The following CELSR3 variants were observed in gnomAD, a reference collection of about 807,000 sequenced individuals.
The protein encoded by CELSR3 is EGF-like protein 1.
In CELSR3, 73 loss-of-function variants were observed where a neutral mutation model predicts 270.0. The observed-to-expected ratio is 0.27, with a 90% CI of 0.22 to 0.33. The LOEUF (loss-of-function observed/expected upper bound fraction) is 0.33, where lower values mean the gene tolerates loss of function less well. Ranked by LOEUF, CELSR3 falls within the 10% of genes least tolerant of loss-of-function variation. The pLI is 1.00. For missense variants in CELSR3, 3,614 were observed against 4,533.8 expected (o/e 0.80, Z 5.83); for synonymous variants, 1,780 against 1,905.4 (o/e 0.93, Z 1.71).
Position 48,653,861 on chromosome 3 carries a change from C to T in CELSR3, c.5278+17G>A, listed in dbSNP as rs760457896. Reference sequence around the variant, plus strand: ...ATCTGACCCTGCAGGCCCCTCTGCCCCATGCTGCCCACTTACTAAGCTGAC... The same window carrying T: ...ATCTGACCCTGCAGGCCCCTCTGCCTCATGCTGCCCACTTACTAAGCTGAC... On this transcript the variant is annotated intron_variant, in intron 8 of 34. Transcript: ENST00000164024. This position sits in a 1 kb window ranked among gnomAD's most constrained non-coding sequence, Gnocchi z 6.5. The T allele has an allele frequency of 1.9e-5, 30 of 1,613,156 alleles. No individual in the cohort carries two copies. The highest frequency in any genetic ancestry group is 1.5e-4 in the South Asian group (14 of 91,090).
In CELSR3 at chr3:48,656,308, T is replaced by C; in HGVS notation, c.4457A>G (p.Asn1486Ser). 1 of 1,496,092 alleles carries C rather than the reference T, an allele frequency of 6.7e-7. No individual in the cohort carries two copies. The highest frequency in any genetic ancestry group is 2.3e-5 in the Admixed American group (1 of 43,226). The allele number at this position is 1,496,092 out of a possible 1,614,324, so 92.7% of individuals were successfully genotyped here. ...AGRCVPGVCRNGGTCTDAPNG... is the reference protein window; with the variant it reads ...AGRCVPGVCRSGGTCTDAPNG... ...GGGCGCGTCGGTGCAGGTGCCCCCG[T>C]TGCGGCAGACGCCCGGCACGCAGCG... The change falls in exon 3 of 35, where the codon AAC becomes AGC. Residue 1486 changes from asparagine to serine, a missense_variant. Physicochemically the swap from Asn to Ser is conservative, Grantham distance 46. Coordinates refer to ENST00000164024, the MANE Select transcript of CELSR3 (RefSeq NM_001407.3).
At position 48,659,265 on chromosome 3, in the gene CELSR3, G is replaced by A; in HGVS notation, c.3370C>T (p.Leu1124=). The A allele has an allele frequency of 6.2e-7, 1 of 1,614,186 alleles. No homozygotes were observed. The highest frequency in any genetic ancestry group is 8.5e-7 in the Non-Finnish European group (1 of 1,180,036). The change falls in exon 1 of 35, where the codon CTG becomes TTG. Residue 1124 remains leucine, a synonymous_variant. Transcript: ENST00000164024. This position sits in a 1 kb window ranked among gnomAD's most constrained non-coding sequence, Gnocchi z 8.1. The part of the protein sequence containing the change: ...LFQMDIFSGE[L]TALIDLDYEA... ...TAGTCTAGGTCAATGAGTGCCGTCA[G>A]TTCTCCAGAGAAGATGTCCATTTGG... is the stretch of plus-strand genomic sequence containing the variant.
rs764829415 is a variant in CELSR3 at position 48,661,321 on chromosome 3, G to A, written c.1314C>T (p.Tyr438=). 13 of 1,613,320 alleles carry A rather than the reference G, an allele frequency of 8.1e-6. No individual in the cohort carries two copies. The highest frequency in any genetic ancestry group is 1.1e-5 in the Non-Finnish European group (13 of 1,179,918). ...CCACATTCTCGCGAAGGGTCTCCCG[G>A]TACTGCGCTTGCTCAAAAACCGGCG... is the stretch of plus-strand genomic sequence containing the variant. ...DHSPVFEQAQ[Y]RETLRENVEE... The change falls in exon 1 of 35, where the codon TAC becomes TAT. Residue 438 remains tyrosine (Y), a synonymous_variant. Transcript: ENST00000164024.
rs2077077415 is a variant in CELSR3, at chr3:48,662,545, G to A, written c.90C>T (p.Ser30=). 1 of 1,594,138 alleles carries A rather than the reference G, an allele frequency of 6.3e-7. No homozygotes were observed. Among genetic ancestry groups the A allele is most frequent in the Non-Finnish European group, 8.5e-7 (1 of 1,170,260 alleles). ...LLLLLSLFPL[S]QEELGGGGHQ... is the part of the protein sequence containing the mutation. ...GCCCACCGCCCCCCAGCTCCTCCTG[G>A]CTGAGGGGGAACAAAGAGAGGAGAA... The change falls in exon 1 of 35, where the codon AGC becomes AGT. Residue 30 remains serine, a synonymous_variant. Transcript: ENST00000164024. This position sits in a 1 kb window ranked among gnomAD's most constrained non-coding sequence, Gnocchi z 7.1.
chr3:48,655,811 C>G lies in CELSR3; in HGVS notation c.4666G>C (p.Gly1556Arg). 1 of 1,402,684 alleles carries G rather than the reference C, an allele frequency of 7.1e-7. No homozygotes were observed. The highest frequency in any genetic ancestry group is 9.5e-7 in the Non-Finnish European group (1 of 1,051,200). The allele number at this position is 1,402,684 out of a possible 1,614,324, so 86.9% of individuals were successfully genotyped here. A position where few individuals can be genotyped will look rare whatever the true frequency, so the allele number is the denominator to read the frequency against. Reference sequence around the variant, plus strand: ...AAGTCGTGCTTCTCGTTCAGGCGCCCGTTGTAGAAGAGCAGCCCGCTCTGC... The same window carrying G: ...AAGTCGTGCTTCTCGTTCAGGCGCCGGTTGTAGAAGAGCAGCCCGCTCTGC... ...VQQSGLLFYN[G>R]RLNEKHDFLA... The change falls in exon 4 of 35, where the codon GGG becomes CGG. Residue 1556 changes from glycine to arginine, a missense_variant. Gly to Arg is a moderately radical substitution (Grantham distance 125). Transcript: ENST00000164024. The surrounding 1 kb of genome is among the most constrained non-coding windows in gnomAD (Gnocchi z 5.8).
Position 48,640,217 on chromosome 3 carries a change from C to T in CELSR3, c.9368G>A (p.Arg3123Gln), listed in dbSNP as rs768935481. The change falls in exon 34 of 35, where the codon CGG becomes CAG. Residue 3123 changes from arginine (R) to glutamine (Q), a missense_variant. Physicochemically the swap from Arg to Gln is conservative, Grantham distance 43. Around this residue, in one of 7 missense-constraint regions of CELSR3, gnomAD observed 1,240 missense variants for 1,351.7 expected, o/e 0.92. Coordinates refer to ENST00000164024, the MANE Select transcript of CELSR3 (RefSeq NM_001407.3). The surrounding 1 kb of genome is among the most constrained non-coding windows in gnomAD (Gnocchi z 7.5). ...AGGGTAGTCCCGAGGTGGCTGCCTC[C>T]GTGGCAGGGTGCTGCCCCGATCTTT... ...EPKDRGSTLP[R>Q]RQPPRDYPGA... 48 of 1,612,638 alleles carry T rather than the reference C, an allele frequency of 3.0e-5. No homozygotes were observed. The highest frequency in any genetic ancestry group is 1.6e-4 in the Middle Eastern group (1 of 6,082).
Position 48,641,710 on chromosome 3 carries a change from A to C in CELSR3, c.8824+141T>G, listed in dbSNP as rs895275094. 11 of 943,306 alleles carry C rather than the reference A, an allele frequency of 1.2e-5. No individual in the cohort carries two copies. The highest frequency in any genetic ancestry group is 1.7e-5 in the African/African-American group (1 of 59,954). The allele number at this position is 943,306 out of a possible 1,614,324, so 58.4% of individuals were successfully genotyped here. On this transcript the variant is annotated intron_variant, in intron 32 of 34. Transcript: ENST00000164024. This position sits in a 1 kb window ranked among gnomAD's most constrained non-coding sequence, Gnocchi z 4.8. ...TCCCTCCCCTTAACTGGAGGTGGAC[A>C]GAGACTAAAAGTTGGGGAACCTGAT...
chr3:48,654,025 C>A lies in CELSR3; in HGVS notation c.5153-22G>T, dbSNP rs772257404. On this transcript the variant is annotated intron_variant, in intron 7 of 34. Coordinates refer to ENST00000164024, the MANE Select transcript of CELSR3 (RefSeq NM_001407.3). This position sits in a 1 kb window ranked among gnomAD's most constrained non-coding sequence, Gnocchi z 5.4. ...CAGCCTGGGAGAGGAAAGCACATGG[C>A]GGACATGAGAACAAGGGTTGGGGGG... The A allele has an allele frequency of 2.5e-6, 4 of 1,609,452 alleles. No homozygotes were observed. Among genetic ancestry groups the A allele is most frequent in the Non-Finnish European group, 2.5e-6 (3 of 1,177,292 alleles).
rs1301763874 is a variant in CELSR3 at position 48,661,560 on chromosome 3, G to T, written c.1075C>A (p.Arg359Ser). 6.2e-7 allele frequency: 1 copy of T among 1,608,372 alleles called. No homozygotes were observed. Among genetic ancestry groups the T allele is most frequent in the Non-Finnish European group, 8.5e-7 (1 of 1,178,834 alleles). The change falls in exon 1 of 35, where the codon CGC (arginine) becomes AGC (serine). Residue 359 changes from arginine (R) to serine (S), a missense_variant. Arg to Ser is a moderately radical substitution (Grantham distance 110, BLOSUM62 -1). This residue lies in a region of CELSR3 where 354 missense variants were observed against 500.9 expected (regional missense o/e 0.71). Transcript: ENST00000164024. ...AGTGCCGCCAGCGAGTAGACTAGGCGCCCGGCCTCGCCGGCGTCCGGGTCC... is the reference window on the plus strand; with the variant it reads ...AGTGCCGCCAGCGAGTAGACTAGGCTCCCGGCCTCGCCGGCGTCCGGGTCC... ...AQDPDAGEAG[R>S]LVYSLAALMN...
At position 48,640,076 on chromosome 3, in the gene CELSR3, G is replaced by A. The variant is rs1304098913; in HGVS notation, c.9509C>T (p.Pro3170Leu). Residue 3170 changes from proline (P) to leucine (L), a missense_variant, in exon 34 of 35, where the codon CCA becomes CTA. This residue lies in a region of CELSR3 where 1,240 missense variants were observed against 1,351.7 expected (regional missense o/e 0.92). Transcript: ENST00000164024. The surrounding 1 kb of genome is among the most constrained non-coding windows in gnomAD (Gnocchi z 7.5). ...CCGCTGGGGAGACAGGGGCAGAGGT[G>A]GGGGCTGTGGGTCAAGGTCCCGGGT... is the stretch of plus-strand genomic sequence containing the variant. ...RRTRDLDPQP[P>L]PLPLSPQRQL... 5.6e-6 allele frequency: 9 copies of A among 1,610,684 alleles called. No homozygotes were observed. The South Asian group carries it at 6.6e-5, about 12-fold the overall frequency.
Position 48,653,478 on chromosome 3 carries a change from TAGGGTCCAGAGC to T in CELSR3, c.5448+129_5448+140del. Reference sequence around the variant, plus strand: ...TAATGATGGAAAGAGAATCAAGGGCTAGGGTCCAGAGCAGGGTCAAGTGTGGTTGGGACACCT... The same window carrying T: ...TAATGATGGAAAGAGAATCAAGGGCTAGGGTCAAGTGTGGTTGGGACACCT... On this transcript the variant is annotated intron_variant, in intron 9 of 34. Transcript: ENST00000164024. The surrounding 1 kb of genome is among the most constrained non-coding windows in gnomAD (Gnocchi z 6.5). 6 of 979,194 alleles carry T rather than the reference TAGGGTCCAGAGC, an allele frequency of 6.1e-6. No homozygotes were observed. The South Asian group carries it at 9.2e-5, about 15-fold the overall frequency. The allele number at this position is 979,194 out of a possible 1,614,324, so 60.7% of individuals were successfully genotyped here. A position where few individuals can be genotyped will look rare whatever the true frequency, so the allele number is the denominator to read the frequency against.
In CELSR3 at chr3:48,641,158, C is replaced by T; in HGVS notation, c.9025+166G>A. On this transcript the variant is annotated intron_variant, in intron 33 of 34. Coordinates refer to ENST00000164024, the MANE Select transcript of CELSR3 (RefSeq NM_001407.3). The surrounding 1 kb of genome is among the most constrained non-coding windows in gnomAD (Gnocchi z 4.8). The stretch of plus-strand genomic sequence containing the variant: ...GGGACAGAGAATTCCCAGGTCAGGA[C>T]AGGAGCAGTCCCTGAGGACCGTGAA... 2 of 615,740 alleles carry T rather than the reference C, an allele frequency of 3.2e-6. No homozygotes were observed. Among genetic ancestry groups the T allele is most frequent in the Non-Finnish European group, 2.9e-6 (1 of 342,178 alleles). 38.1% of individuals were successfully genotyped at this position (615,740 alleles called of 1,614,324 possible). A position where few individuals can be genotyped will look rare whatever the true frequency, so the allele number is the denominator to read the frequency against.
In CELSR3 at chr3:48,656,355, G is replaced by A; in HGVS notation, c.4410C>T (p.Cys1470=). The A allele has an allele frequency of 7.0e-7, 1 of 1,426,588 alleles. No homozygotes were observed. The allele number at this position is 1,426,588 out of a possible 1,614,324, so 88.4% of individuals were successfully genotyped here. A position where few individuals can be genotyped will look rare whatever the true frequency, so the allele number is the denominator to read the frequency against. The part of the protein sequence containing the change: ...VCRPRFTGED[C]ELDTEAGRCV... ...AGCGGCCGGCCTCGGTGTCCAGCTC[G>A]CAGTCCTCTCCTGGGGGCCAAGCCG... Residue 1470 remains cysteine (C), a synonymous_variant, in exon 3 of 35, where the codon TGC becomes TGT. Transcript: ENST00000164024.
rs764375936 is a variant in CELSR3 at position 48,662,594 on chromosome 3, C to A, written c.41G>T (p.Arg14Leu). Reference sequence around the variant, plus strand: ...AAGGAGCAGGAGTATGGGGGTCGACCGTCCCCCGAGGCCCCGCCACGGCGG... The same window carrying A: ...AAGGAGCAGGAGTATGGGGGTCGACAGTCCCCCGAGGCCCCGCCACGGCGG... ...RRPPWRGLGG[R>L]STPILLLLLL... Residue 14 changes from arginine to leucine, a missense_variant, in exon 1 of 35, where the codon CGG becomes CTG. Arg to Leu is a moderately radical substitution (Grantham distance 102, BLOSUM62 -2). This residue lies in a region of CELSR3 where 470 missense variants were observed against 469.7 expected (regional missense o/e 1.00). Coordinates refer to ENST00000164024, the MANE Select transcript of CELSR3 (RefSeq NM_001407.3). The surrounding 1 kb of genome is among the most constrained non-coding windows in gnomAD (Gnocchi z 7.1). The A allele has an allele frequency of 6.7e-7, 1 of 1,485,322 alleles. No homozygotes were observed. Among genetic ancestry groups the A allele is most frequent in the Non-Finnish European group, 9.0e-7 (1 of 1,114,004 alleles). The allele number at this position is 1,485,322 out of a possible 1,614,324, so 92.0% of individuals were successfully genotyped here.
Position 48,652,206 on chromosome 3 carries a change from G to A in CELSR3, c.5752-158C>T, listed in dbSNP as rs997256256. ...AAAATATCCCCAATTTGGTACCCCT[G>A]TGGGACCCTAATTGTGCTGTTTCTG... On this transcript the variant is annotated intron_variant, in intron 11 of 34. Transcript: ENST00000164024. This position sits in a 1 kb window ranked among gnomAD's most constrained non-coding sequence, Gnocchi z 4.3. Among the ~76,000 whole-genome samples the A allele has an allele frequency of 6.6e-6, 1 of 152,166 alleles. No individual in the cohort carries two copies. The highest frequency in any genetic ancestry group is 1.5e-5 in the Non-Finnish European group (1 of 68,032).
In CELSR3 at chr3:48,641,548, G is replaced by A. The variant is rs1207495463; in HGVS notation, c.8825-24C>T. On this transcript the variant is annotated intron_variant, in intron 32 of 34. Transcript: ENST00000164024. The surrounding 1 kb of genome is among the most constrained non-coding windows in gnomAD (Gnocchi z 4.8). ...ATCTGTGGAGCCAGGTCAGGTTACA[G>A]GAGCTTCTGGGTTGATCCCAGTGAC... 6.4e-7 allele frequency: 1 copy of A among 1,568,616 alleles called. No homozygotes were observed. The highest frequency in any genetic ancestry group is 8.8e-7 in the Non-Finnish European group (1 of 1,141,620).
intron 28 of CELSR3, 127 bp downstream of exon 28, chr3:48,643,427 T>C: frequency 7.5e-7 from 1 of 1,325,646 alleles, no homozygotes; most frequent in South Asian, 1.5e-5. Context: ...TCTGGGGTAG[T>C]ACCCAGCCTG....
At position 48,645,300 on chromosome 3, in the gene CELSR3, A is replaced by C; in HGVS notation, c.7798-91T>G. 4.6e-6 allele frequency: 7 copies of C among 1,530,760 alleles called. No individual in the cohort carries two copies. Among genetic ancestry groups the C allele is most frequent in the Non-Finnish European group, 6.2e-6 (7 of 1,125,744 alleles). 94.8% of individuals were successfully genotyped at this position (1,530,760 alleles called of 1,614,324 possible). A position where few individuals can be genotyped will look rare whatever the true frequency, so the allele number is the denominator to read the frequency against. ...TCTGCTTCCCACCTCTCACCCCTAA[A>C]CCACAATATCTTACCCCAGCATCCT... On this transcript the variant is annotated intron_variant, in intron 24 of 34. Coordinates refer to ENST00000164024, the MANE Select transcript of CELSR3 (RefSeq NM_001407.3). This position sits in a 1 kb window ranked among gnomAD's most constrained non-coding sequence, Gnocchi z 5.4.
chr3:48,648,512 A>G (rs1282678577), intron 18 of CELSR3, 51 bp from the exon 19 acceptor site: 4 of 1,477,754 alleles, frequency 2.7e-6, no homozygotes, highest in Middle Eastern at 3.5e-4. Context: ...AGGATGTATG[A>G]GGGGATAGGG....
Sources: gnomAD v4.1 joint callset for allele counts (sites outside exome capture counted in the v4.1 genomes callset) on GRCh38, gnomAD v4.1.1 for gene constraint, gnomAD v4.1.1 regional missense constraint, Gnocchi (gnomAD v3.1) non-coding constraint, MANE v1.5 for transcripts, NCBI Gene and HGNC (gene_info 2026-07-23, HGNC 2026-07-21) for gene names.